LRIG1: variants seen among roughly 807,000 people sequenced by gnomAD.
LRIG1 encodes the protein leucine-rich repeats and immunoglobulin-like domains protein 1.
A neutral mutation model predicts 99.2 loss-of-function variants in LRIG1; 48 were observed. That is an observed-to-expected ratio of 0.48 (90% CI 0.38 to 0.62). The LOEUF (loss-of-function observed/expected upper bound fraction) is 0.62. Ranked by LOEUF, LRIG1 falls within the 20% of genes least tolerant of loss-of-function variation. LRIG1 has a pLI of 0.00. For missense variants in LRIG1, 1,646 were observed against 1,434.4 expected (o/e 1.15, Z -2.38); for synonymous variants, 772 against 596.1 (o/e 1.29, Z -4.30).
chr3:66,380,921 C>CAGAGGACAGGCTGCTCA (rs1416970794), intron 17 of LRIG1, 60 bp from the exon 18 acceptor site: 27 of 1,555,116 alleles, frequency 1.7e-5, no homozygotes, highest in Non-Finnish European at 2.2e-5. Context: ...CGTCCCCACA[C>CAGAGGACAGGCTGCTCA]AGAGGACAGG....
chr3:66,396,208 A>C (rs999804611), intron 11 of LRIG1, among the ~76,000 whole-genome samples: 3 of 152,168 alleles, frequency 2.0e-5, no homozygotes, highest in African/African-American at 7.2e-5. Context: ...GCATGTTCCT[A>C]AACAGCAAGT....
intron 13 of LRIG1, 72 bp from the exon 14 acceptor site, chr3:66,384,344 C>T (rs1382627479): frequency 2.0e-6 from 3 of 1,482,308 alleles, no homozygotes; most frequent in African/African-American, 2.8e-5. Context: ...CTCTGGCAAA[C>T]ACCTACCTGT....
chr3:66,484,679 G>A (rs1700929670), intron 1 of LRIG1, among the ~76,000 whole-genome samples: 2 of 152,250 alleles, frequency 1.3e-5, no homozygotes, highest in East Asian at 3.9e-4. Context: ...AGCGCGATGA[G>A]GGGCAGGTGG....
At chr3:66,404,079 G>A (rs527297456) in intron 9 of LRIG1, among the ~76,000 whole-genome samples, 17 of 152,298 alleles carry the variant, frequency 1.1e-4, no homozygotes, top group Non-Finnish European at 1.0e-4. Context: ...AAGCATCTCC[G>A]ACATGCTGCT....
Position 66,384,159 on chromosome 3 carries a change from CCTT to C in LRIG1, c.1900_1902del (p.Lys634del). The C allele has an allele frequency of 2.5e-6, 4 of 1,614,234 alleles. No homozygotes were observed. The highest frequency in any genetic ancestry group is 3.4e-6 in the Non-Finnish European group (4 of 1,180,034). On this transcript the variant is annotated inframe_deletion, in exon 14 of 19. Coordinates refer to ENST00000273261, the MANE Select transcript of LRIG1 (RefSeq NM_015541.3). ...GCAGCGGGGAAATCCGTGCCTCCAT[CCTT>C]CTGCCAGGCAATCTGAGGGTTTGGG... is the stretch of plus-strand genomic sequence containing the variant.
At chr3:66,451,989 C>G (rs549344597) in intron 2 of LRIG1, among the ~76,000 whole-genome samples, 33 of 152,276 alleles carry the variant, frequency 2.2e-4, no homozygotes, top group African/African-American at 7.5e-4. Context: ...GAACACTCCC[C>G]GTGGGCCGAA....
intron 7 of LRIG1, among the ~76,000 whole-genome samples, chr3:66,407,765 A>G (rs1702327961): frequency 6.6e-6 from 1 of 152,212 alleles, no homozygotes; most frequent in South Asian, 2.1e-4. Context: ...AACTGTGAAG[A>G]CTACACACGA....
At chr3:66,393,832 T>G (rs374816560) in intron 12 of LRIG1, among the ~76,000 whole-genome samples, 2 of 152,330 alleles carry the variant, frequency 1.3e-5, no homozygotes, top group African/African-American at 4.8e-5. Context: ...TCTGATTAAA[T>G]GCATGTCCTC....
chr3:66,382,913 C>G, intron 15 of LRIG1, 69 bp downstream of exon 15: 1 of 1,439,344 alleles, frequency 6.9e-7, no homozygotes, highest in East Asian at 2.3e-5. Flanking sequence ...CACTGGAACC[C>G]GGCCCAGTTC....
chr3:66,449,837 T>C (rs1021961701), intron 3 of LRIG1, among the ~76,000 whole-genome samples: 1 of 152,226 alleles, frequency 6.6e-6, no homozygotes, highest in Non-Finnish European at 1.5e-5. Flanking sequence ...AGCAGTTACA[T>C]CAGCATTTCT....
chr3:66,382,586 C>T (rs7642319), intron 15 of LRIG1, among the ~76,000 whole-genome samples, 188 bp from the exon 16 acceptor site: 57,837 of 152,046 alleles, frequency 0.38, 12,869 homozygotes, highest in African/African-American at 0.62. Context: ...CTACACCCAG[C>T]GTGAAGAGCG....
intron 1 of LRIG1, among the ~76,000 whole-genome samples, chr3:66,464,289 A>C (rs1384479269): frequency 6.6e-6 from 1 of 152,148 alleles, no homozygotes; most frequent in East Asian, 1.9e-4. Flanking sequence ...AATACTCAGA[A>C]ACCACAAAGG....
rs535501652 is a variant in LRIG1, at chr3:66,408,500, G to C, written c.936-1009C>G. Among the ~76,000 whole-genome samples, 3 of 152,290 alleles carry C rather than the reference G, an allele frequency of 2.0e-5. No homozygotes were observed. The East Asian group carries it at 5.8e-4, about 29-fold the overall frequency. ...TGATCTTTGCTGCCCCTTCTAGAGG[G>C]CATGGAAGAGGGCTTCATGCCTTCC... On this transcript the variant is annotated intron_variant, in intron 7 of 18. Coordinates refer to ENST00000273261, the MANE Select transcript of LRIG1 (RefSeq NM_015541.3).
At chr3:66,500,048 C>G (rs1244752810) in intron 1 of LRIG1, 142 bp downstream of exon 1, 1 of 621,272 alleles carries the variant, frequency 1.6e-6, no homozygotes, top group African/African-American at 1.9e-5. Context: ...TCCAACCTGA[C>G]AGTCTTCCAA....
At position 66,441,283 on chromosome 3, in the gene LRIG1, GA is replaced by G. The variant is rs1460358136; in HGVS notation, c.365+10275del. ...CTGTTTGGGTTTGAAAGGCATCCAG[GA>G]AGTGAGGAAACTGCAGAGGAATTTG... On this transcript the variant is annotated intron_variant, in intron 3 of 18. Coordinates refer to ENST00000273261, the MANE Select transcript of LRIG1 (RefSeq NM_015541.3). Among the ~76,000 whole-genome samples, 4 of 152,294 alleles carry G rather than the reference GA, an allele frequency of 2.6e-5. No individual in the cohort carries two copies. In the East Asian group the frequency reaches 7.7e-4, roughly 29 times the overall value.
intron 6 of LRIG1, 76 bp downstream of exon 6, chr3:66,412,795 G>GCA (rs370941692): frequency 5.1e-5 from 76 of 1,483,292 alleles, no homozygotes; most frequent in Admixed American, 1.1e-4. Flanking sequence ...ACATGCATGC[G>GCA]CACACACACA....
At chr3:66,419,346 C>T (rs571835078) in intron 3 of LRIG1, among the ~76,000 whole-genome samples, 153 of 152,248 alleles carry the variant, frequency 1.0e-3, no homozygotes, top group African/African-American at 2.8e-3. Flanking sequence ...AAACACAATC[C>T]GGGCCCCACT....
chr3:66,404,818 C>G (rs1224843960), intron 9 of LRIG1, among the ~76,000 whole-genome samples: 1 of 152,164 alleles, frequency 6.6e-6, no homozygotes, highest in Non-Finnish European at 1.5e-5. Context: ...GGAGCCCCAC[C>G]GCCCTCACAC....
At chr3:66,453,658 T>C (rs1211003606) in intron 2 of LRIG1, among the ~76,000 whole-genome samples, 1 of 152,224 alleles carries the variant, frequency 6.6e-6, no homozygotes, top group Non-Finnish European at 1.5e-5. Flanking sequence ...GTCACTCATC[T>C]AGGGTCATGC....
Sources: gnomAD v4.1 joint callset for allele counts (sites outside exome capture counted in the v4.1 genomes callset) on GRCh38, gnomAD v4.1.1 for gene constraint, MANE v1.5 for transcripts, NCBI Gene and HGNC (gene_info 2026-07-23, HGNC 2026-07-21) for gene names.